ZNF140: variants seen among roughly 807,000 people sequenced by gnomAD.
The protein encoded by ZNF140 is zinc finger protein 140.
ZNF140 carries 13 observed loss-of-function variants against 12.9 expected under a neutral mutation model. The ratio of observed to expected loss-of-function variants is 1.01; its 90% CI spans 0.66 to 1.60. The LOEUF (loss-of-function observed/expected upper bound fraction) is 1.60. Ranked by LOEUF, ZNF140 falls within the 40% of genes most tolerant of loss-of-function variation. The probability of loss-of-function intolerance (pLI) is 0.00; values close to 1 mark genes in which losing one functional copy is unlikely to be tolerated. For synonymous variants in ZNF140, 214 were observed against 186.7 expected (o/e 1.15, Z -1.19); for missense variants, 531 against 548.8 (o/e 0.97, Z 0.32).
At chr12:133,097,072 C>A (rs1219560136) in intron 4 of ZNF140, among the ~76,000 whole-genome samples, 1 of 152,156 alleles carries the variant, frequency 6.6e-6, no homozygotes, top group Non-Finnish European at 1.5e-5. Context: ...TTTATGATTT[C>A]TTTCTTGGAG....
chr12:133,105,440 A>C, intron 4 of ZNF140, 70 bp from the exon 5 acceptor site: 1 of 1,433,940 alleles, frequency 7.0e-7, no homozygotes, highest in East Asian at 2.4e-5. Flanking sequence ...TTGCTAAAGA[A>C]GGGAGAAATG....
At chr12:133,100,160 G>GTTTTTTTC (rs1955286741) in intron 4 of ZNF140, among the ~76,000 whole-genome samples, 1 of 60,978 alleles carries the variant, frequency 1.6e-5, no homozygotes, top group African/African-American at 7.9e-5. Flanking sequence ...TGCCTTTTCC[G>GTTTTTTTC]TTTTTTTTTT....
At chr12:133,105,435 AAAG>A in intron 4 of ZNF140, 72 bp from the exon 5 acceptor site, 1 of 1,422,516 alleles carries the variant, frequency 7.0e-7, no homozygotes, top group Non-Finnish European at 9.3e-7. Context: ...TTCTGTTGCT[AAAG>A]AAGGGAGAAA....
chr12:133,098,621 T>C (rs1955222843), intron 4 of ZNF140, among the ~76,000 whole-genome samples: 1 of 152,242 alleles, frequency 6.6e-6, no homozygotes, highest in Non-Finnish European at 1.5e-5. Context: ...TAATAAAATA[T>C]TTCTCATTTT....
intron 4 of ZNF140, among the ~76,000 whole-genome samples, chr12:133,095,852 G>A (rs867323583): frequency 7.8e-3 from 1,160 of 149,432 alleles, no homozygotes; most frequent in Non-Finnish European, 0.01. Context: ...GAATAACAAG[G>A]CAGCATTACT....
chr12:133,096,350 G>A (rs1955126024), intron 4 of ZNF140, among the ~76,000 whole-genome samples: 1 of 152,130 alleles, frequency 6.6e-6, no homozygotes, highest in South Asian at 2.1e-4. Context: ...GCTGGGGAAA[G>A]CTACAAATTA....
chr12:133,084,115 G>A (rs1954594945), intron 4 of ZNF140: 6 of 417,740 alleles, frequency 1.4e-5, no homozygotes, highest in African/African-American at 6.4e-5. Context: ...TTTCTCACAG[G>A]TGTCTTTTTT....
intron 4 of ZNF140, among the ~76,000 whole-genome samples, chr12:133,088,100 G>A (rs974882769): frequency 2.6e-5 from 4 of 151,500 alleles, no homozygotes; most frequent in Non-Finnish European, 4.4e-5. Context: ...ATTGCACTCC[G>A]GCCTGGGCGA....
At position 133,101,545 on chromosome 12, in the gene ZNF140, C is replaced by T. The variant is rs1036795230; in HGVS notation, c.233-3965C>T. 1.6e-4 allele frequency among the ~76,000 whole-genome samples: 24 copies of T among 152,186 alleles called. No homozygotes were observed. In the East Asian group the frequency reaches 1.7e-3, roughly 11 times the overall value. On this transcript the variant is annotated intron_variant, in intron 4 of 4. Coordinates refer to ENST00000355557, the MANE Select transcript of ZNF140 (RefSeq NM_003440.4). Reference sequence around the variant, plus strand: ...CTGCAAGCTCCACCTCCCGGGTTCACGCCATTCTCCTGCCTCAGCCTCCCG... The same window carrying T: ...CTGCAAGCTCCACCTCCCGGGTTCATGCCATTCTCCTGCCTCAGCCTCCCG...
chr12:133,084,157 A>G (rs1486445929), intron 4 of ZNF140: 1 of 439,566 alleles, frequency 2.3e-6, no homozygotes, highest in East Asian at 7.1e-5. Context: ...TGGTCTCTGA[A>G]TTTCATTTCT....
chr12:133,093,431 C>T lies in ZNF140; in HGVS notation c.232+9870C>T, dbSNP rs769442188. 43 of 699,430 alleles carry T rather than the reference C, an allele frequency of 6.1e-5. 2 individuals carry two copies. In the African/African-American group the frequency reaches 7.4e-4, roughly 12 times the overall value. 43.3% of individuals were successfully genotyped at this position (699,430 alleles called of 1,614,324 possible). ...GTTTTCCAGGCTTTTTTTCAGCTAACTGTGTCAGCTTCTTTAGCTGGGCCC... is the reference window on the plus strand; with the variant it reads ...GTTTTCCAGGCTTTTTTTCAGCTAATTGTGTCAGCTTCTTTAGCTGGGCCC... On this transcript the variant is annotated intron_variant, in intron 4 of 4. Coordinates refer to ENST00000355557, the MANE Select transcript of ZNF140 (RefSeq NM_003440.4).
At chr12:133,105,434 T>C in intron 4 of ZNF140, 76 bp from the exon 5 acceptor site, 3 of 1,417,776 alleles carry the variant, frequency 2.1e-6, no homozygotes, top group South Asian at 3.0e-5. Context: ...ATTCTGTTGC[T>C]AAAGAAGGGA....
At chr12:133,097,819 A>ATGTGTGTGTGTGTG (rs71079166) in intron 4 of ZNF140, among the ~76,000 whole-genome samples, 120 of 143,254 alleles carry the variant, frequency 8.4e-4, no homozygotes, top group South Asian at 4.2e-3. Context: ...ACATCTAACC[A>ATGTGTGTGTGTGTG]TGTGTGTGTG....
chr12:133,104,208 A>G (rs1037431322), intron 4 of ZNF140, among the ~76,000 whole-genome samples: 2 of 152,198 alleles, frequency 1.3e-5, no homozygotes. Flanking sequence ...GAATGTTCAC[A>G]TTCACCTTTG....
At chr12:133,081,525 T>G in intron 2 of ZNF140, 196 bp downstream of exon 2, 1 of 457,452 alleles carries the variant, frequency 2.2e-6, no homozygotes, top group Non-Finnish European at 4.4e-6. Context: ...GCAGCCGTGT[T>G]TTTCAGGACT....
chr12:133,089,941 C>G (rs1221574312), intron 4 of ZNF140, among the ~76,000 whole-genome samples: 2 of 151,928 alleles, frequency 1.3e-5, no homozygotes, highest in Non-Finnish European at 2.9e-5. Context: ...CCTCTGCCTC[C>G]CGGGTTCAAG....
At chr12:133,091,604 C>T (rs948584314) in intron 4 of ZNF140, among the ~76,000 whole-genome samples, 1 of 150,440 alleles carries the variant, frequency 6.6e-6, no homozygotes, top group Non-Finnish European at 1.5e-5. Flanking sequence ...TCTCGCTGGT[C>T]GCTGTCTCTC....
At chr12:133,101,292 C>T (rs1327349966) in intron 4 of ZNF140, among the ~76,000 whole-genome samples, 4 of 152,146 alleles carry the variant, frequency 2.6e-5, no homozygotes, top group East Asian at 1.9e-4. Context: ...TTCTGTTATG[C>T]GTATATTACA....
At chr12:133,098,144 T>A (rs1187671186) in intron 4 of ZNF140, among the ~76,000 whole-genome samples, 5 of 151,804 alleles carry the variant, frequency 3.3e-5, no homozygotes. Flanking sequence ...CCCTTTTGTG[T>A]TTTTTATTGA....
Sources: allele counts gnomAD v4.1 joint callset (sites outside exome capture counted in the v4.1 genomes callset), GRCh38; gene constraint gnomAD v4.1.1; transcripts MANE v1.5; gene names NCBI Gene and HGNC (gene_info 2026-07-23, HGNC 2026-07-21).